The following JCAD variants were observed in gnomAD, a reference collection of about 807,000 sequenced individuals.
JCAD encodes the protein junctional cadherin 5 associated.
Under a neutral mutation model 98.0 loss-of-function variants are expected in JCAD, and 40 were observed. That is an observed-to-expected ratio of 0.41 (90% CI 0.32 to 0.53). The LOEUF (loss-of-function observed/expected upper bound fraction) is 0.53. JCAD is among the 20% of genes least tolerant of loss of function. The pLI is 0.31. For synonymous variants in JCAD, 691 were observed against 682.3 expected (o/e 1.01, Z -0.20); for missense variants, 1,705 against 1,738.1 (o/e 0.98, Z 0.34).
chr10:30,066,354 T>A (rs78617588), intron 2 of JCAD, among the ~76,000 whole-genome samples: 6,981 of 152,312 alleles, frequency 0.046, 436 homozygotes, highest in African/African-American at 0.14. Context: ...GCTCTCCTCG[T>A]GTCAGCTTGT....
chr10:30,022,331 G>T (rs936037047), intron 3 of JCAD, among the ~76,000 whole-genome samples: 1 of 152,108 alleles, frequency 6.6e-6, no homozygotes, highest in Non-Finnish European at 1.5e-5. Flanking sequence ...AATTTAAATG[G>T]GCTACAAATT....
intron 2 of JCAD, among the ~76,000 whole-genome samples, chr10:30,040,385 C>T (rs1459733951): frequency 6.6e-6 from 1 of 152,186 alleles, no homozygotes. Flanking sequence ...TCAGTATTTT[C>T]ATATTTTCTC....
rs1161664754 is a variant in JCAD at position 30,027,994 on chromosome 10, C to A, written c.2154G>T (p.Leu718Phe). ...CAGCAGGGTCTGAACATTTTGGACT[C>A]AATGCTGCACGACTCGGCCCTCCCA... ...AKLGGPSRAALSPKCSDPAAS... is the reference protein window; with the variant it reads ...AKLGGPSRAAFSPKCSDPAAS... The change falls in exon 3 of 4, where the codon TTG becomes TTT. Residue 718 changes from leucine (L) to phenylalanine (F), a missense_variant. By Grantham distance (22) the Leu-to-Phe change is conservative. Coordinates refer to ENST00000375377, the MANE Select transcript of JCAD (RefSeq NM_020848.4). The A allele has an allele frequency of 1.9e-6, 3 of 1,614,114 alleles. No homozygotes were observed. Among genetic ancestry groups the A allele is most frequent in the Non-Finnish European group, 2.5e-6 (3 of 1,180,058 alleles).
rs79651249 is a variant in JCAD, at chr10:30,085,133, T to C, written n.129-15312A>G. 2.5e-4 allele frequency among the ~76,000 whole-genome samples: 38 copies of C among 152,310 alleles called. No homozygotes were observed. The East Asian group carries it at 4.2e-3, about 17-fold the overall frequency. ...TTTCTTGTTTTAATCTTTTGGTTTCTTTATGAACTCAGGTTTGGTGTTGTA... is the reference window on the plus strand; with the variant it reads ...TTTCTTGTTTTAATCTTTTGGTTTCCTTATGAACTCAGGTTTGGTGTTGTA... On this transcript the variant is annotated intron_variant and non_coding_transcript_variant, in intron 1 of 2. Coordinates refer to the JCAD transcript ENST00000465712.
At chr10:30,070,435 G>A (rs1837863937) in intron 1 of JCAD, among the ~76,000 whole-genome samples, 1 of 152,288 alleles carries the variant, frequency 6.6e-6, no homozygotes, top group South Asian at 2.1e-4. Context: ...GGTACCCACG[G>A]CAACTTCCTT....
Position 30,027,489 on chromosome 10 carries a change from C to T in JCAD, c.2659G>A (p.Glu887Lys), listed in dbSNP as rs1469403016. 5 of 1,607,930 alleles carry T rather than the reference C, an allele frequency of 3.1e-6. No individual in the cohort carries two copies. Among genetic ancestry groups the T allele is most frequent in the African/African-American group, 1.3e-5 (1 of 74,930 alleles). ...CTCGGCTGTGGCTCAACCCTCATTTCCGGGCTGTTTCCGCGGAAGCCCACA... is the reference window on the plus strand; with the variant it reads ...CTCGGCTGTGGCTCAACCCTCATTTTCGGGCTGTTTCCGCGGAAGCCCACA... ...EDVGFRGNSP[E>K]MRVEPQPRMW... Residue 887 changes from glutamate to lysine, a missense_variant, in exon 3 of 4, where the codon GAA becomes AAA. Glu to Lys is a moderately conservative substitution (Grantham distance 56). Coordinates refer to ENST00000375377, the MANE Select transcript of JCAD (RefSeq NM_020848.4).
chr10:30,079,328 T>C lies in JCAD; in HGVS notation n.129-9507A>G, dbSNP rs540867355. Among the ~76,000 whole-genome samples the C allele has an allele frequency of 6.8e-5, 8 of 117,230 alleles. No individual in the cohort carries two copies. In the Admixed American group the frequency reaches 1.0e-3, roughly 15 times the overall value. The allele number at this position is 117,230 out of a possible 152,430, so 76.9% of individuals were successfully genotyped here. A position where few individuals can be genotyped will look rare whatever the true frequency, so the allele number is the denominator to read the frequency against. On this transcript the variant is annotated intron_variant and non_coding_transcript_variant, in intron 1 of 2. Coordinates refer to the JCAD transcript ENST00000465712. ...TGCCACTGCACTCTAGCCTGGGCGA[T>C]AGAGCAAGACTCCATCTCAAAAAAA... is the stretch of plus-strand genomic sequence containing the variant.
upstream of JCAD, among the ~76,000 whole-genome samples, chr10:30,063,848 C>G (rs1286315480): frequency 6.6e-6 from 1 of 151,486 alleles, no homozygotes; most frequent in Non-Finnish European, 1.5e-5. Flanking sequence ...TGCTCTGTTG[C>G]CCAGCCTGGA....
At chr10:30,094,529 C>G (rs1838337887) in intron 1 of JCAD, among the ~76,000 whole-genome samples, 1 of 152,110 alleles carries the variant, frequency 6.6e-6, no homozygotes, top group African/African-American at 2.4e-5. Flanking sequence ...ATGGGAGATA[C>G]AAAGGAACAA....
rs368660961 is a variant in JCAD at position 30,107,800 on chromosome 10, C to A, written n.128+7567G>T. On this transcript the variant is annotated intron_variant and non_coding_transcript_variant, in intron 1 of 2. Transcript: ENST00000465712. ...CATGATTGAATGAAATCGGAAAACACATTATCCAAGGAAGTCAATCCTGAA... is the reference window on the plus strand; with the variant it reads ...CATGATTGAATGAAATCGGAAAACAAATTATCCAAGGAAGTCAATCCTGAA... 9.1e-4 allele frequency among the ~76,000 whole-genome samples: 139 copies of A among 152,196 alleles called. 2 individuals carry two copies. Among genetic ancestry groups the A allele is most frequent in the African/African-American group, 3.1e-3 (127 of 41,516 alleles).
At chr10:30,094,307 A>G (rs1203072323) in intron 1 of JCAD, among the ~76,000 whole-genome samples, 1 of 151,822 alleles carries the variant, frequency 6.6e-6, no homozygotes, top group East Asian at 1.9e-4. Context: ...AAAATTAGCC[A>G]GGCATAGTGG....
At chr10:30,058,574 C>G (rs1462676256) in intron 1 of JCAD, among the ~76,000 whole-genome samples, 5 of 152,228 alleles carry the variant, frequency 3.3e-5, no homozygotes, top group African/African-American at 9.6e-5. Flanking sequence ...AGGCGCTCTG[C>G]TTCTTGACGG....
In JCAD at chr10:30,029,360, G is replaced by C. The variant is rs1278525938; in HGVS notation, c.788C>G (p.Pro263Arg). The change falls in exon 3 of 4, where the codon CCC becomes CGC. Residue 263 changes from proline (P) to arginine (R), a missense_variant. This residue lies in a region of JCAD where 275 missense variants were observed against 346.9 expected (regional missense o/e 0.79). Coordinates refer to ENST00000375377, the MANE Select transcript of JCAD (RefSeq NM_020848.4). Reference sequence around the variant, plus strand: ...GGAGTCCAAATTTGGTGCGCAAGTGGGAGGATACGGTGGCATTTTAGGTGA... The same window carrying C: ...GGAGTCCAAATTTGGTGCGCAAGTGCGAGGATACGGTGGCATTTTAGGTGA... ...RHSPKMPPYP[P>R]TCAPNLDSTR... The C allele has an allele frequency of 6.2e-7, 1 of 1,614,008 alleles. No individual in the cohort carries two copies. Among genetic ancestry groups the C allele is most frequent in the Non-Finnish European group, 8.5e-7 (1 of 1,180,034 alleles).
At chr10:30,031,399 G>A (rs1836986390) in intron 2 of JCAD, among the ~76,000 whole-genome samples, 3 of 150,694 alleles carry the variant, frequency 2.0e-5, no homozygotes, top group Non-Finnish European at 2.9e-5. Context: ...CTCATGTGTT[G>A]GGATTACAGA....
chr10:30,113,408 G>A (rs1044244847), intron 1 of JCAD, among the ~76,000 whole-genome samples: 6 of 151,710 alleles, frequency 4.0e-5, no homozygotes, highest in South Asian at 2.1e-4. Flanking sequence ...AAAATCAACC[G>A]GGCGTGGTGG....
intron 2 of JCAD, among the ~76,000 whole-genome samples, chr10:30,068,779 A>G (rs1484596898): frequency 1.3e-5 from 2 of 152,300 alleles, no homozygotes; most frequent in Non-Finnish European, 2.9e-5. Context: ...CCAGCCCTGA[A>G]TCAACCCAGG....
Position 30,030,444 on chromosome 10 carries a change from G to GA in JCAD, c.282-579dup, listed in dbSNP as rs1312836181. Among the ~76,000 whole-genome samples, 32 of 150,734 alleles carry GA rather than the reference G, an allele frequency of 2.1e-4. 2 individuals carry two copies. In the South Asian group the frequency reaches 3.2e-3, roughly 15 times the overall value. On this transcript the variant is annotated intron_variant, in intron 2 of 3. Transcript: ENST00000375377. ...CAGCGGTGAGACCCTGCCTCATAAG[G>GA]AAAAAAAAATGCCCAAGGGAACAAG...
intron 1 of JCAD, among the ~76,000 whole-genome samples, chr10:30,075,375 C>T (rs1788258759): frequency 6.6e-6 from 1 of 152,164 alleles, no homozygotes; most frequent in Non-Finnish European, 1.5e-5. Context: ...TTAGGAACAA[C>T]ATGCTCTTCT....
At position 30,028,577 on chromosome 10, in the gene JCAD, C is replaced by A. The variant is rs1279173500; in HGVS notation, c.1571G>T (p.Gly524Val). ...PNQRDRCVAR[G>V]QWPDVRGSQH... ...GCTGCCTCTCACATCAGGCCACTGT[C>A]CCCTTGCCACACAGCGGTCTCTCTG... Residue 524 changes from glycine (G) to valine (V), a missense_variant, in exon 3 of 4, where the codon GGA becomes GTA. Physicochemically the swap from Gly to Val is moderately radical, Grantham distance 109. Transcript: ENST00000375377. 3.1e-6 allele frequency: 5 copies of A among 1,614,084 alleles called. No homozygotes were observed. The African/African-American group carries it at 6.7e-5, about 22-fold the overall frequency.
Sources: gnomAD v4.1 joint callset for allele counts (sites outside exome capture counted in the v4.1 genomes callset) on GRCh38, gnomAD v4.1.1 for gene constraint, gnomAD v4.1.1 regional missense constraint, MANE v1.5 for transcripts, NCBI Gene and HGNC (gene_info 2026-07-23, HGNC 2026-07-21) for gene names.